Variants in SNX31 observed in about 807,000 individuals in gnomAD.
SNX31 encodes sorting nexin-31.
A neutral mutation model predicts 65.4 loss-of-function variants in SNX31; 58 were observed. The observed-to-expected ratio is 0.89, with a 90% CI of 0.72 to 1.10. SNX31 has a LOEUF of 1.10. Ranked by LOEUF, SNX31 falls within the 50% of genes least tolerant of loss-of-function variation. SNX31 has a pLI of 0.00. For missense variants in SNX31, 523 were observed against 529.7 expected, an observed-to-expected ratio of 0.99 and a Z score of 0.12; for synonymous variants, 181 against 190.1, an observed-to-expected ratio of 0.95 and a Z score of 0.39.
intron 4 of SNX31, among the ~76,000 whole-genome samples, chr8:100,619,616 C>T (rs529990372): frequency 6.6e-6 from 1 of 152,334 alleles, no homozygotes; most frequent in African/African-American, 2.4e-5. Context: ...CGGCTGCCCA[C>T]ATGGGGCCTT....
rs939541951 is a variant in SNX31, at chr8:100,612,275, C to CA, written c.524-189dup. 1.8e-3 allele frequency among the ~76,000 whole-genome samples: 268 copies of CA among 150,150 alleles called. No individual in the cohort carries two copies. Among genetic ancestry groups the CA allele is most frequent in the African/African-American group, 5.4e-3 (220 of 40,930 alleles). On this transcript the variant is annotated intron_variant, in intron 6 of 13. Coordinates refer to ENST00000311812, the MANE Select transcript of SNX31 (RefSeq NM_152628.4). The surrounding 1 kb of genome is among the most constrained non-coding windows in gnomAD (Gnocchi z 4.3). ...CAAAAAATAAATATCATTTGATCCTCAAAAAAAAACAGCCCCTTGAGTGGG... is the reference window on the plus strand; with the variant it reads ...CAAAAAATAAATATCATTTGATCCTCAAAAAAAAAACAGCCCCTTGAGTGGG...
intron 4 of SNX31, among the ~76,000 whole-genome samples, chr8:100,623,687 T>C (rs777942010): frequency 2.9e-4 from 44 of 152,184 alleles, no homozygotes; most frequent in Middle Eastern, 3.2e-3. Context: ...CCAGACCTTG[T>C]GCAATTCTCC....
At chr8:100,597,927 C>A (rs969156683) in intron 9 of SNX31, among the ~76,000 whole-genome samples, 1 of 152,182 alleles carries the variant, frequency 6.6e-6, no homozygotes, top group African/African-American at 2.4e-5. Flanking sequence ...TCGCCATGGG[C>A]CTGGCCTAAT....
In SNX31 at chr8:100,578,429, T is replaced by A. The variant is rs975362937; in HGVS notation, c.1171-1354A>T. On this transcript the variant is annotated intron_variant, in intron 12 of 13. Transcript: ENST00000311812. The surrounding 1 kb of genome is among the most constrained non-coding windows in gnomAD (Gnocchi z 4.7). ...ATCCTCAGGTTTAGCCATCACATGG[T>A]ACACACAGGCATTCATAAATGACAG... Among the ~76,000 whole-genome samples, 4 of 152,216 alleles carry A rather than the reference T, an allele frequency of 2.6e-5. No homozygotes were observed. The highest frequency in any genetic ancestry group is 4.4e-5 in the Non-Finnish European group (3 of 68,042).
chr8:100,639,652 A>C (rs1819018809), intron 2 of SNX31, among the ~76,000 whole-genome samples: 2 of 152,218 alleles, frequency 1.3e-5, no homozygotes, highest in South Asian at 4.1e-4. Context: ...ATATTTATTC[A>C]TGTGTCTGTA....
intron 11 of SNX31, among the ~76,000 whole-genome samples, chr8:100,584,764 T>C (rs956432880): frequency 3.3e-5 from 5 of 150,508 alleles, no homozygotes; most frequent in East Asian, 1.9e-4. Context: ...TTTTTTTTTT[T>C]CTCTGAGACA....
intron 4 of SNX31, chr8:100,618,259 A>G: frequency 6.8e-7 from 1 of 1,463,572 alleles, no homozygotes; most frequent in South Asian, 1.3e-5. Context: ...CAAGTAAACA[A>G]CTGAGTATCT....
chr8:100,653,111 G>C (rs1023799038), upstream of SNX31, among the ~76,000 whole-genome samples: 7 of 152,214 alleles, frequency 4.6e-5, no homozygotes, highest in Non-Finnish European at 1.5e-5. Context: ...TCACTCTCTT[G>C]AGGTTCAGAC....
Position 100,649,601 on chromosome 8 carries a change from C to G in SNX31, c.-87G>C, listed in dbSNP as rs1242273835. 4 of 1,318,924 alleles carry G rather than the reference C, an allele frequency of 3.0e-6. No homozygotes were observed. The highest frequency in any genetic ancestry group is 2.2e-5 in the Admixed American group (1 of 46,262). The allele number at this position is 1,318,924 out of a possible 1,614,324, so 81.7% of individuals were successfully genotyped here. A position where few individuals can be genotyped will look rare whatever the true frequency, so the allele number is the denominator to read the frequency against. On this transcript the variant is annotated 5_prime_UTR_variant, in exon 1 of 14. Transcript: ENST00000311812. ...GCTCTGAACTCGGCAGCGGTGGACG[C>G]AGCGCGGCCTGCCACGCGACTCAGA...
rs1812805175 is a variant in SNX31, at chr8:100,573,801, T to A, written c.*64A>T. On this transcript the variant is annotated 3_prime_UTR_variant, in exon 14 of 14. Transcript: ENST00000311812. ...ACTGATGGTAGGTAGCCCACCTGAA[T>A]CCCCAAGTTCTTTCACTGTCTTGAG... 6 of 1,172,528 alleles carry A rather than the reference T, an allele frequency of 5.1e-6. No individual in the cohort carries two copies. The highest frequency in any genetic ancestry group is 6.0e-6 in the Non-Finnish European group (5 of 832,922). The allele number at this position is 1,172,528 out of a possible 1,614,324, so 72.6% of individuals were successfully genotyped here. A position where few individuals can be genotyped will look rare whatever the true frequency, so the allele number is the denominator to read the frequency against.
In SNX31 at chr8:100,630,374, C is replaced by T. The variant is rs749488970; in HGVS notation, c.274G>A (p.Val92Met). The change falls in exon 4 of 14, where the codon GTG becomes ATG. Residue 92 changes from valine (V) to methionine (M), a missense_variant. Transcript: ENST00000311812. The surrounding 1 kb of genome is among the most constrained non-coding windows in gnomAD (Gnocchi z 5.3). ...YLQNVTMDPNVLRSDVFVEFL... is the reference protein window; with the variant it reads ...YLQNVTMDPNMLRSDVFVEFL... ...TCAACGAAGACATCACTTCTCAACA[C>T]GTTTGGGTCCATGGTTACTGAAAAA... The T allele has an allele frequency of 3.1e-6, 5 of 1,613,400 alleles. No homozygotes were observed. Among genetic ancestry groups the T allele is most frequent in the East Asian group, 2.2e-5 (1 of 44,878 alleles).
At chr8:100,659,522 A>G (rs1809742246) in intron 1 of SNX31, among the ~76,000 whole-genome samples, 1 of 152,208 alleles carries the variant, frequency 6.6e-6, no homozygotes, top group African/African-American at 2.4e-5. Context: ...GCTTGCTTAC[A>G]GATGGCTATC....
chr8:100,649,427 C>T, intron 1 of SNX31, 22 bp downstream of exon 1: 2 of 1,588,688 alleles, frequency 1.3e-6, no homozygotes, highest in Non-Finnish European at 1.7e-6. Flanking sequence ...CCTGCCCACC[C>T]TGACCCCAGC....
chr8:100,640,165 T>C (rs1174808337), intron 2 of SNX31, among the ~76,000 whole-genome samples: 1 of 152,134 alleles, frequency 6.6e-6, no homozygotes, highest in Non-Finnish European at 1.5e-5. Context: ...CTTGCTCTTG[T>C]TGCCCAGGCT....
Position 100,634,756 on chromosome 8 carries a change from T to TAAAAAAAAA in SNX31, c.256+1132_256+1140dup, listed in dbSNP as rs548613299. Among the ~76,000 whole-genome samples, 74 of 141,622 alleles carry TAAAAAAAAA rather than the reference T, an allele frequency of 5.2e-4. 1 individual carries two copies. The highest frequency in any genetic ancestry group is 1.9e-3 in the East Asian group (9 of 4,824). The allele number at this position is 141,622 out of a possible 152,430, so 92.9% of individuals were successfully genotyped here. A position where few individuals can be genotyped will look rare whatever the true frequency, so the allele number is the denominator to read the frequency against. ...AGAGCGAGACTCTGTCTCTCTGTCT[T>TAAAAAAAAA]AAAAAAAAAAAATTAAATATTGGGT... is the stretch of plus-strand genomic sequence containing the variant. On this transcript the variant is annotated intron_variant, in intron 3 of 13. Coordinates refer to ENST00000311812, the MANE Select transcript of SNX31 (RefSeq NM_152628.4).
At position 100,622,251 on chromosome 8, in the gene SNX31, T is replaced by C. The variant is rs1817748431; in HGVS notation, c.322-4521A>G. ...AGAGCAGGATTATGTGGTGAGTTTA[T>C]CTTGAAGAGTGCCCTGTACAAGTAG... On this transcript the variant is annotated intron_variant, in intron 4 of 13. Transcript: ENST00000311812. The surrounding 1 kb of genome is among the most constrained non-coding windows in gnomAD (Gnocchi z 5.0). Among the ~76,000 whole-genome samples, 1 of 152,228 alleles carries C rather than the reference T, an allele frequency of 6.6e-6. No homozygotes were observed. Among genetic ancestry groups the C allele is most frequent in the Non-Finnish European group, 1.5e-5 (1 of 68,040 alleles).
intron 8 of SNX31, among the ~76,000 whole-genome samples, chr8:100,605,356 T>C (rs755812305): frequency 2.6e-5 from 4 of 152,156 alleles, no homozygotes; most frequent in Non-Finnish European, 5.9e-5. Context: ...GAGGCAGTGA[T>C]TGTGGTCCTG....
chr8:100,618,260 C>CTGAGTATCTATATTGGAGAAAACAGCTT, intron 4 of SNX31: 1 of 1,464,244 alleles, frequency 6.8e-7, no homozygotes, highest in Non-Finnish European at 9.2e-7. Context: ...AAGTAAACAA[C>CTGAGTATCTATATTGGAGAAAACAGCTT]TGAGTATCTA....
At chr8:100,587,781 C>G (rs1814185106) in intron 11 of SNX31, among the ~76,000 whole-genome samples, 1 of 152,130 alleles carries the variant, frequency 6.6e-6, no homozygotes, top group Non-Finnish European at 1.5e-5. Context: ...GTATATGAAA[C>G]ATAATTGAAT....
Sources: gnomAD v4.1 joint callset for allele counts (sites outside exome capture counted in the v4.1 genomes callset) on GRCh38, gnomAD v4.1.1 for gene constraint, Gnocchi (gnomAD v3.1) non-coding constraint, MANE v1.5 for transcripts, NCBI Gene and HGNC (gene_info 2026-07-23, HGNC 2026-07-21) for gene names.